Variants in UEVLD observed in about 807,000 individuals in gnomAD.
UEVLD encodes the protein ubiquitin-conjugating enzyme E2 variant 3.
A neutral mutation model predicts 58.6 loss-of-function variants in UEVLD; 47 were observed. That is an observed-to-expected ratio of 0.80 (90% CI 0.63 to 1.02). UEVLD has a LOEUF of 1.02. UEVLD is among the 50% of genes least tolerant of loss of function. The probability of loss-of-function intolerance (pLI) is 0.00; values close to 1 mark genes in which losing one functional copy is unlikely to be tolerated. For synonymous variants in UEVLD, 197 were observed against 195.3 expected (o/e 1.01, Z -0.07); for missense variants, 510 against 550.6 (o/e 0.93, Z 0.74).
chr11:18,563,259 T>C (rs1852130470), intron 6 of UEVLD, among the ~76,000 whole-genome samples: 1 of 152,120 alleles, frequency 6.6e-6, no homozygotes, highest in African/African-American at 2.4e-5. Flanking sequence ...ATAAAAACCA[T>C]TCATGCCCTC....
intron 7 of UEVLD, among the ~76,000 whole-genome samples, chr11:18,555,619 C>T (rs541754847): frequency 1.3e-5 from 2 of 151,934 alleles, no homozygotes; most frequent in Non-Finnish European, 2.9e-5. Flanking sequence ...AATAAAATTA[C>T]TTCATCTAAT....
intron 1 of UEVLD, among the ~76,000 whole-genome samples, chr11:18,580,475 TAATG>T (rs1461449410): frequency 3.9e-5 from 6 of 151,992 alleles, no homozygotes; most frequent in Admixed American, 3.9e-4. Context: ...GTCCATTAAC[TAATG>T]AATGAATAAA....
intron 1 of UEVLD, among the ~76,000 whole-genome samples, chr11:18,584,068 C>G (rs1354108232): frequency 1.3e-5 from 2 of 152,096 alleles, no homozygotes; most frequent in African/African-American, 4.8e-5. Context: ...AAATGTAACA[C>G]TTAATATAAA....
intron 7 of UEVLD, among the ~76,000 whole-genome samples, chr11:18,548,458 C>A (rs1162664528): frequency 6.6e-6 from 1 of 152,116 alleles, no homozygotes; most frequent in Non-Finnish European, 1.5e-5. Flanking sequence ...TGGAGTTTCG[C>A]TCTTGTTGCC....
chr11:18,575,457 GAAAGA>G, intron 2 of UEVLD, 45 bp from the exon 3 acceptor site: 20 of 1,563,196 alleles, frequency 1.3e-5, no homozygotes, highest in Non-Finnish European at 1.7e-5. Context: ...ATCAGAAACA[GAAAGA>G]ACTGTAGTAA....
intron 2 of UEVLD, 134 bp downstream of exon 2, chr11:18,578,590 T>C (rs1853059300): frequency 6.1e-6 from 4 of 660,676 alleles, no homozygotes; most frequent in Non-Finnish European, 1.1e-5. Flanking sequence ...TTCTCAGAAA[T>C]TGCAGGTCAT....
chr11:18,536,449 C>T lies in UEVLD; in HGVS notation c.1081G>A (p.Glu361Lys). 1.9e-6 allele frequency: 3 copies of T among 1,613,770 alleles called. No homozygotes were observed. The highest frequency in any genetic ancestry group is 1.7e-6 in the Non-Finnish European group (2 of 1,179,780). Residue 361 changes from glutamate to lysine, a missense_variant, in exon 10 of 12, where the codon GAA becomes AAA. Glu to Lys is a moderately conservative substitution (Grantham distance 56, BLOSUM62 1). Transcript: ENST00000396197. Reference protein sequence around the residue: ...EDKVLTWSGQEEVVSHTSQVQ... With the variant: ...EDKVLTWSGQKEVVSHTSQVQ... ...TGAGAGGTATGACTCACTACTTCTT[C>T]TTGGCCACTCCATGTGAGCACTAAA...
At chr11:18,577,270 A>G (rs943377354) in intron 2 of UEVLD, among the ~76,000 whole-genome samples, 2 of 152,252 alleles carry the variant, frequency 1.3e-5, no homozygotes, top group Non-Finnish European at 2.9e-5. Context: ...ACATTATCGC[A>G]TGTAACAAAA....
At position 18,560,138 on chromosome 11, in the gene UEVLD, C is replaced by CACAG. The variant is rs368897951; in HGVS notation, c.613-1809_613-1808insCTGT. Among the ~76,000 whole-genome samples the CACAG allele has an allele frequency of 6.5e-3, 485 of 74,754 alleles. 18 individuals are homozygous for CACAG. Among genetic ancestry groups the CACAG allele is most frequent in the East Asian group, 0.022 (38 of 1,714 alleles). The allele number at this position is 74,754 out of a possible 152,430, so 49.0% of individuals were successfully genotyped here. A position where few individuals can be genotyped will look rare whatever the true frequency, so the allele number is the denominator to read the frequency against. ...ACACACACACACACACACACACACA[C>CACAG]AGAGAGAGAAAGAAAATAACCCTGC... On this transcript the variant is annotated intron_variant, in intron 6 of 11. Transcript: ENST00000396197.
chr11:18,536,560 G>T, intron 9 of UEVLD, 91 bp from the exon 10 acceptor site: 1 of 1,076,882 alleles, frequency 9.3e-7, no homozygotes, highest in Non-Finnish European at 1.4e-6. Context: ...GGGTACCTGT[G>T]CTAATATTTA....
intron 9 of UEVLD, among the ~76,000 whole-genome samples, chr11:18,543,938 G>C (rs1007123502): frequency 2.6e-5 from 4 of 152,192 alleles, no homozygotes; most frequent in African/African-American, 9.7e-5. Flanking sequence ...CATGTATCTA[G>C]GGAGAAGGTC....
chr11:18,576,101 C>T (rs1852892597), intron 2 of UEVLD, among the ~76,000 whole-genome samples: 1 of 152,200 alleles, frequency 6.6e-6, no homozygotes, highest in Non-Finnish European at 1.5e-5. Context: ...GTCCTTGTTC[C>T]TTCCTGGGCA....
chr11:18,533,041 T>C (rs1284273647), intron 11 of UEVLD, among the ~76,000 whole-genome samples: 1 of 150,588 alleles, frequency 6.6e-6, no homozygotes, highest in African/African-American at 2.4e-5. Context: ...CTTCTGGCTA[T>C]TTTTTCTTTT....
chr11:18,535,711 T>A (rs1169428734), intron 10 of UEVLD, among the ~76,000 whole-genome samples: 1 of 146,824 alleles, frequency 6.8e-6, no homozygotes, highest in Non-Finnish European at 1.5e-5. Context: ...AGGATCTGTG[T>A]GTTACACTTT....
intron 3 of UEVLD, among the ~76,000 whole-genome samples, chr11:18,572,820 A>AG (rs397808229): frequency 6.6e-6 from 1 of 151,494 alleles, no homozygotes; most frequent in Non-Finnish European, 1.5e-5. Flanking sequence ...AAAAAAAAAA[A>AG]GGCAGACAAA....
Position 18,544,789 on chromosome 11 carries a change from G to A in UEVLD, c.894C>T (p.Ile298=), listed in dbSNP as rs776295013. The change falls in exon 9 of 12, where the codon ATC becomes ATT. Residue 298 remains isoleucine (I), a synonymous_variant. Transcript: ENST00000396197. ...VLLVASQPVE[I]MTYVTWKLST... ...TCAGTTTCCATGTTACATAGGTCAT[G>A]ATTTCCACTAAATATTGCATACAAG... 6.5e-7 allele frequency: 1 copy of A among 1,528,668 alleles called. No individual in the cohort carries two copies. Among genetic ancestry groups the A allele is most frequent in the Non-Finnish European group, 8.7e-7 (1 of 1,148,232 alleles). The allele number at this position is 1,528,668 out of a possible 1,614,324, so 94.7% of individuals were successfully genotyped here. A position where few individuals can be genotyped will look rare whatever the true frequency, so the allele number is the denominator to read the frequency against.
intron 6 of UEVLD, among the ~76,000 whole-genome samples, chr11:18,562,863 A>C (rs577384304): frequency 2.2e-4 from 33 of 151,972 alleles, no homozygotes; most frequent in Non-Finnish European, 4.0e-4. Flanking sequence ...TCTAGGCAAC[A>C]CAGGGAGACC....
At chr11:18,579,096 T>TGACCTCGTGATCTGCC (rs1488207457) in intron 1 of UEVLD, among the ~76,000 whole-genome samples, 6 of 151,956 alleles carry the variant, frequency 3.9e-5, no homozygotes. Flanking sequence ...CTCGAACTCC[T>TGACCTCGTGATCTGCC]GACCTCGTGA....
intron 4 of UEVLD, among the ~76,000 whole-genome samples, chr11:18,569,552 T>C (rs1333012299): frequency 6.6e-6 from 1 of 152,190 alleles, no homozygotes; most frequent in Non-Finnish European, 1.5e-5. Context: ...TTAAAGATGT[T>C]CATCATTAAA....
Sources: gnomAD v4.1 joint callset for allele counts (sites outside exome capture counted in the v4.1 genomes callset) on GRCh38, gnomAD v4.1.1 for gene constraint, MANE v1.5 for transcripts, NCBI Gene and HGNC (gene_info 2026-07-23, HGNC 2026-07-21) for gene names.